ZNF225: variants seen among roughly 807,000 people sequenced by gnomAD.
The protein encoded by ZNF225 is zinc finger protein 225.
In ZNF225, 6 loss-of-function variants were observed where a neutral mutation model predicts 12.0. The observed-to-expected ratio is 0.50, with a 90% CI of 0.27 to 0.98. ZNF225 has a LOEUF of 0.98. Ranked by LOEUF, ZNF225 falls within the 50% of genes least tolerant of loss-of-function variation. ZNF225 has a pLI of 0.11. For missense variants in ZNF225, 763 were observed against 848.2 expected, an observed-to-expected ratio of 0.90 and a Z score of 1.25; for synonymous variants, 271 against 283.2, an observed-to-expected ratio of 0.96 and a Z score of 0.43.
chr19:44,131,124 G>A lies in ZNF225; in HGVS notation c.510G>A (p.Gln170=). Residue 170 remains glutamine (Q), a synonymous_variant, in exon 5 of 5, where the codon CAG becomes CAA. Transcript: ENST00000262894. ...VSVLDLHQQL[Q]SREKSHTCDE... is the part of the protein sequence containing the mutation. ...TCCTTGATCTTCATCAACAACTACA[G>A]TCAAGAGAGAAGTCTCATACATGTG... 6.2e-7 allele frequency: 1 copy of A among 1,614,178 alleles called. No homozygotes were observed. The highest frequency in any genetic ancestry group is 1.3e-5 in the African/African-American group (1 of 75,050).
At chr19:44,127,489 C>A (rs899712728) in intron 4 of ZNF225, among the ~76,000 whole-genome samples, 7 of 152,074 alleles carry the variant, frequency 4.6e-5, no homozygotes, top group African/African-American at 1.4e-4. Context: ...AGGTAAAATT[C>A]GCAATGGGAG....
intron 4 of ZNF225, chr19:44,129,142 T>C (rs553983280): frequency 2.5e-6 from 3 of 1,221,402 alleles, no homozygotes; most frequent in Non-Finnish European, 3.1e-6. Flanking sequence ...AATGAGATTA[T>C]ACATGTTCTG....
chr19:44,132,668 G>C lies in ZNF225; in HGVS notation c.2054G>C (p.Cys685Ser). The C allele has an allele frequency of 6.2e-7, 1 of 1,613,386 alleles. No individual in the cohort carries two copies. The change falls in exon 5 of 5, where the codon TGT (cysteine) becomes TCT (serine). Residue 685 changes from cysteine (C) to serine (S), a missense_variant. Transcript: ENST00000262894. ...SGEKTSKCED[C>S]GKRYKRRLNL... The stretch of plus-strand genomic sequence containing the variant: ...GAGAAAACATCTAAATGTGAGGACT[G>C]TGGGAAGCGCTACAAGAGGCGCTTG...
Position 44,131,021 on chromosome 19 carries a change from C to G in ZNF225, c.407C>G (p.Ala136Gly). Residue 136 changes from alanine (A) to glycine (G), a missense_variant, in exon 5 of 5, where the codon GCA becomes GGA. Ala to Gly is a moderately conservative substitution (Grantham distance 60, BLOSUM62 0). Transcript: ENST00000262894. ...KQDDMPCQVDAGLSIIHVRQK... is the reference protein window; with the variant it reads ...KQDDMPCQVDGGLSIIHVRQK... ...GATGATATGCCCTGCCAGGTTGATG[C>G]AGGACTATCTATAATTCACGTAAGA... is the stretch of plus-strand genomic sequence containing the variant. 6.2e-7 allele frequency: 1 copy of G among 1,614,036 alleles called. No individual in the cohort carries two copies. Among genetic ancestry groups the G allele is most frequent in the Non-Finnish European group, 8.5e-7 (1 of 1,179,930 alleles).
chr19:44,124,138 T>C (rs1968103011), intron 4 of ZNF225, among the ~76,000 whole-genome samples: 2 of 152,176 alleles, frequency 1.3e-5, no homozygotes, highest in African/African-American at 2.4e-5. Flanking sequence ...GTCTTTTTGA[T>C]GTAGGCATTT....
In ZNF225 at chr19:44,131,566, T is replaced by A; in HGVS notation, c.952T>A (p.Cys318Ser). The change falls in exon 5 of 5, where the codon TGT becomes AGT. Residue 318 changes from cysteine to serine, a missense_variant. Transcript: ENST00000262894. ...MVHMREKPFR[C>S]DTCGKSFGLK... Reference sequence around the variant, plus strand: ...TCACATGCGAGAGAAACCATTCAGATGTGATACATGTGGTAAGAGCTTTGG... The same window carrying A: ...TCACATGCGAGAGAAACCATTCAGAAGTGATACATGTGGTAAGAGCTTTGG... 6.2e-7 allele frequency: 1 copy of A among 1,614,202 alleles called. No individual in the cohort carries two copies.
At chr19:44,129,987 A>C (rs961787963) in intron 4 of ZNF225, 1 of 152,240 alleles carries the variant, frequency 6.6e-6, no homozygotes, top group Admixed American at 6.5e-5. Context: ...CACTGTTTAC[A>C]TAATTTATTA....
rs1457595706 is a variant in ZNF225 at position 44,115,859 on chromosome 19, T to C, written c.15+17T>C. The C allele has an allele frequency of 6.2e-7, 1 of 1,611,480 alleles. No homozygotes were observed. The highest frequency in any genetic ancestry group is 8.5e-7 in the Non-Finnish European group (1 of 1,178,680). On this transcript the variant is annotated intron_variant, in intron 2 of 4. Transcript: ENST00000262894. ...ACGTTGAAGGTGAGTAGAGCTTGCCTCTCTTGCTGTTAAAATTTCTTTTAT... is the reference window on the plus strand; with the variant it reads ...ACGTTGAAGGTGAGTAGAGCTTGCCCCTCTTGCTGTTAAAATTTCTTTTAT...
chr19:44,115,954 G>A lies in ZNF225; in HGVS notation c.15+112G>A, dbSNP rs142106001. ...TTGGCTCATTGCAACCTCCACCTCCGGAGTTCAAGTGATTCTCCTGCTTCA... is the reference window on the plus strand; with the variant it reads ...TTGGCTCATTGCAACCTCCACCTCCAGAGTTCAAGTGATTCTCCTGCTTCA... On this transcript the variant is annotated intron_variant, in intron 2 of 4. Transcript: ENST00000262894. 90 of 1,068,028 alleles carry A rather than the reference G, an allele frequency of 8.4e-5. No individual in the cohort carries two copies. In the African/African-American group the frequency reaches 1.1e-3, roughly 13 times the overall value. 66.2% of individuals were successfully genotyped at this position (1,068,028 alleles called of 1,614,324 possible).
upstream of ZNF225, among the ~76,000 whole-genome samples, chr19:44,112,646 T>C (rs1353807957): frequency 1.3e-5 from 2 of 152,224 alleles, no homozygotes; most frequent in African/African-American, 2.4e-5. Context: ...AATATGAGTA[T>C]GTAAATAATA....
intron 4 of ZNF225, among the ~76,000 whole-genome samples, 170 bp downstream of exon 4, chr19:44,118,744 G>C (rs951717674): frequency 5.9e-5 from 9 of 151,664 alleles, no homozygotes; most frequent in African/African-American, 2.2e-4. Context: ...CCTGACATCT[G>C]TTTTCCTCAT....
chr19:44,132,206 G>T lies in ZNF225; in HGVS notation c.1592G>T (p.Arg531Leu), dbSNP rs543680106. Residue 531 changes from arginine (R) to leucine (L), a missense_variant, in exon 5 of 5, where the codon CGC (arginine) becomes CTC (leucine). By Grantham distance (102) the Arg-to-Leu change is moderately radical. Coordinates refer to ENST00000262894, the MANE Select transcript of ZNF225 (RefSeq NM_013362.4). Reference sequence around the variant, plus strand: ...CAGAATTCACAACTTTATTCTCATCGCAGAGTCCACACTGGAGTAAAGCCA... The same window carrying T: ...CAGAATTCACAACTTTATTCTCATCTCAGAGTCCACACTGGAGTAAAGCCA... ...FTQNSQLYSHRRVHTGVKPYK... is the reference protein window; with the variant it reads ...FTQNSQLYSHLRVHTGVKPYK... 16 of 1,611,468 alleles carry T rather than the reference G, an allele frequency of 9.9e-6. No homozygotes were observed. Among genetic ancestry groups the T allele is most frequent in the East Asian group, 6.7e-5 (3 of 44,664 alleles).
In ZNF225 at chr19:44,131,570, A is replaced by T. The variant is rs748143168; in HGVS notation, c.956A>T (p.Asp319Val). The change falls in exon 5 of 5, where the codon GAT (aspartate) becomes GTT (valine). Residue 319 changes from aspartate (D) to valine (V), a missense_variant. Asp to Val is a radical substitution (Grantham distance 152). Transcript: ENST00000262894. ...VHMREKPFRC[D>V]TCGKSFGLKS... ...ATGCGAGAGAAACCATTCAGATGTG[A>T]TACATGTGGTAAGAGCTTTGGTCTG... 1 of 1,614,190 alleles carries T rather than the reference A, an allele frequency of 6.2e-7. No individual in the cohort carries two copies.
intron 4 of ZNF225, among the ~76,000 whole-genome samples, chr19:44,123,943 CT>C (rs1281723328): frequency 1.3e-5 from 2 of 151,922 alleles, no homozygotes; most frequent in Admixed American, 6.6e-5. Context: ...AAAGAACCAG[CT>C]TTTTGTTTCA....
chr19:44,131,926 A>C lies in ZNF225; in HGVS notation c.1312A>C (p.Lys438Gln), dbSNP rs187706799. ...ATGTGAGGAGTGTGGGAAGGGCTAC[A>C]AAAGGAGGTTGGATCTTGACTTTCA... Reference protein sequence around the residue: ...YRCEECGKGYKRRLDLDFHQR... With the variant: ...YRCEECGKGYQRRLDLDFHQR... Residue 438 changes from lysine (K) to glutamine (Q), a missense_variant, in exon 5 of 5, where the codon AAA becomes CAA. Transcript: ENST00000262894. 8.1e-6 allele frequency: 13 copies of C among 1,614,144 alleles called. No individual in the cohort carries two copies. The Admixed American group carries it at 1.7e-4, about 21-fold the overall frequency.
intron 4 of ZNF225, chr19:44,129,165 T>C (rs1289862819): frequency 9.9e-6 from 11 of 1,114,982 alleles, no homozygotes; most frequent in African/African-American, 1.6e-5. Context: ...AAAATTCTTG[T>C]ACAGGAATAC....
At position 44,131,006 on chromosome 19, in the gene ZNF225, C is replaced by T; in HGVS notation, c.392C>T (p.Pro131Leu). 1.2e-6 allele frequency: 2 copies of T among 1,613,950 alleles called. No homozygotes were observed. The highest frequency in any genetic ancestry group is 1.7e-6 in the Non-Finnish European group (2 of 1,179,912). ...SFQFSKQDDM[P>L]CQVDAGLSII... is the part of the protein sequence containing the mutation. ...CAGTTCTCCAAACAAGATGATATGCCCTGCCAGGTTGATGCAGGACTATCT... is the reference window on the plus strand; with the variant it reads ...CAGTTCTCCAAACAAGATGATATGCTCTGCCAGGTTGATGCAGGACTATCT... The change falls in exon 5 of 5, where the codon CCC (proline) becomes CTC (leucine). Residue 131 changes from proline (P) to leucine (L), a missense_variant. Transcript: ENST00000262894.
chr19:44,129,191 A>T (rs1365785989), intron 4 of ZNF225: 1 of 941,292 alleles, frequency 1.1e-6, no homozygotes, highest in Non-Finnish European at 1.4e-6. Flanking sequence ...AAATGTAGAC[A>T]TAAATACTCC....
chr19:44,111,675 C>A (rs1039222325), upstream of ZNF225, among the ~76,000 whole-genome samples: 5 of 152,006 alleles, frequency 3.3e-5, no homozygotes, highest in African/African-American at 1.2e-4. Context: ...TTATGCTAAG[C>A]AAAGGGAGTT....
Sources: allele counts gnomAD v4.1 joint callset (sites outside exome capture counted in the v4.1 genomes callset), GRCh38; gene constraint gnomAD v4.1.1; transcripts MANE v1.5; gene names NCBI Gene and HGNC (gene_info 2026-07-23, HGNC 2026-07-21).